KALRN: variants seen among roughly 807,000 people sequenced by gnomAD.
KALRN encodes the protein kalirin RhoGEF kinase, also known as kalirin.
In KALRN, 70 loss-of-function variants were observed where a neutral mutation model predicts 353.7. The observed-to-expected ratio is 0.20, with a 90% CI of 0.16 to 0.24. The LOEUF (loss-of-function observed/expected upper bound fraction) is 0.24. KALRN is among the 10% of genes least tolerant of loss of function. KALRN has a pLI of 1.00. For missense variants in KALRN, 2,791 were observed against 3,756.7 expected, an observed-to-expected ratio of 0.74 and a Z score of 6.72; for synonymous variants, 1,391 against 1,434.8, an observed-to-expected ratio of 0.97 and a Z score of 0.69.
chr3:124,227,149 T>A (rs1422940788), intron 1 of KALRN, among the ~76,000 whole-genome samples: 1 of 152,142 alleles, frequency 6.6e-6, no homozygotes, highest in Non-Finnish European at 1.5e-5. Context: ...AGGCTACTGT[T>A]CCTCCAGGCA....
chr3:124,610,824 A>G (rs1198898557), intron 34 of KALRN, among the ~76,000 whole-genome samples: 1 of 150,432 alleles, frequency 6.6e-6, no homozygotes, highest in Non-Finnish European at 1.5e-5. Flanking sequence ...TAGCCTAGGC[A>G]ACATAGTAGG....
intron 33 of KALRN, among the ~76,000 whole-genome samples, chr3:124,543,136 G>T (rs1194857687): frequency 6.6e-6 from 1 of 152,138 alleles, no homozygotes; most frequent in African/African-American, 2.4e-5. Flanking sequence ...GAACAAGGAG[G>T]AAGCAGCAAT....
chr3:124,183,668 C>T (rs1242722420), intron 1 of KALRN, among the ~76,000 whole-genome samples: 4 of 152,152 alleles, frequency 2.6e-5, no homozygotes, highest in African/African-American at 7.2e-5. Context: ...AAGGGAGGAG[C>T]ATCAGAGGAA....
At chr3:124,180,089 T>TA (rs111389179) in intron 1 of KALRN, among the ~76,000 whole-genome samples, 5,132 of 152,258 alleles carry the variant, frequency 0.034, 263 homozygotes, top group African/African-American at 0.12. Context: ...GAGCCTGGGG[T>TA]AACTGCTTGT....
chr3:124,637,132 T>G, intron 36 of KALRN, 76 bp from the exon 37 acceptor site: 1 of 1,236,918 alleles, frequency 8.1e-7, no homozygotes, highest in Non-Finnish European at 1.2e-6. Context: ...AGCTTTGGAC[T>G]TTCTGTTTTA....
At chr3:124,239,896 A>G (rs993050778) in intron 3 of KALRN, among the ~76,000 whole-genome samples, 11 of 152,092 alleles carry the variant, frequency 7.2e-5, no homozygotes, top group Non-Finnish European at 1.6e-4. Context: ...GGATGTGGGG[A>G]GGAAGGGGAG....
intron 15 of KALRN, among the ~76,000 whole-genome samples, chr3:124,428,526 T>A (rs541506600): frequency 2.9e-4 from 44 of 152,294 alleles, no homozygotes; most frequent in African/African-American, 1.1e-3. Flanking sequence ...TGACTCCAAA[T>A]TTTATGTTAT....
chr3:124,539,125 C>T (rs909733492), intron 33 of KALRN, among the ~76,000 whole-genome samples: 12 of 152,130 alleles, frequency 7.9e-5, no homozygotes, highest in Admixed American at 7.9e-4. Flanking sequence ...TGATCTGTAG[C>T]CTGCCAGATG....
chr3:124,284,532 C>T (rs1476479006), intron 5 of KALRN, among the ~76,000 whole-genome samples: 1 of 152,210 alleles, frequency 6.6e-6, no homozygotes, highest in Non-Finnish European at 1.5e-5. Flanking sequence ...GGACCAAGTG[C>T]TCCTCTACTG....
chr3:124,635,296 C>T (rs939787527), intron 36 of KALRN, among the ~76,000 whole-genome samples: 4 of 152,150 alleles, frequency 2.6e-5, no homozygotes, highest in Non-Finnish European at 5.9e-5. Context: ...GAGTAGGGTG[C>T]CCATGTCTCA....
At chr3:124,570,742 T>G (rs539576212) in intron 34 of KALRN, among the ~76,000 whole-genome samples, 1 of 152,186 alleles carries the variant, frequency 6.6e-6, no homozygotes, top group African/African-American at 2.4e-5. Flanking sequence ...AAAGTTAGAG[T>G]TGAAACTTAC....
chr3:124,642,310 GA>G (rs2082126628), intron 37 of KALRN, among the ~76,000 whole-genome samples: 1 of 151,910 alleles, frequency 6.6e-6, no homozygotes, highest in Non-Finnish European at 1.5e-5. Context: ...TTAAAAGAGA[GA>G]GAGAGAGAGA....
chr3:124,701,861 C>T (rs1413828461), intron 56 of KALRN, among the ~76,000 whole-genome samples, 177 bp from the exon 57 acceptor site: 1 of 152,084 alleles, frequency 6.6e-6, no homozygotes, highest in African/African-American at 2.4e-5. Context: ...GTCAGTTTCC[C>T]CTTGGATGAT....
At chr3:124,704,825 C>T (rs575942437) in intron 57 of KALRN, among the ~76,000 whole-genome samples, 10 of 152,338 alleles carry the variant, frequency 6.6e-5, no homozygotes, top group Non-Finnish European at 1.2e-4. Context: ...ACTGGGATTA[C>T]AGGCGTGAGC....
intron 33 of KALRN, chr3:124,519,910 T>C: frequency 1.0e-6 from 1 of 983,572 alleles, no homozygotes; most frequent in Non-Finnish European, 1.2e-6. Context: ...CCCTTAATTC[T>C]CTGCCAAGAA....
intron 4 of KALRN, among the ~76,000 whole-genome samples, chr3:124,265,842 G>A (rs1007014778): frequency 9.9e-5 from 15 of 152,164 alleles, no homozygotes; most frequent in Non-Finnish European, 1.5e-4. Flanking sequence ...TGGGCGTGGT[G>A]ATTCACGCCT....
chr3:124,669,373 G>A (rs931461356), intron 47 of KALRN, among the ~76,000 whole-genome samples: 4 of 152,180 alleles, frequency 2.6e-5, no homozygotes, highest in African/African-American at 7.2e-5. Context: ...CTGTAGGGAC[G>A]CACAGTTTTC....
At chr3:124,382,514 A>G (rs1439959683) in intron 10 of KALRN, among the ~76,000 whole-genome samples, 1 of 152,206 alleles carries the variant, frequency 6.6e-6, no homozygotes, top group Non-Finnish European at 1.5e-5. Flanking sequence ...TTTCTGGGAC[A>G]CAGGAATTTC....
chr3:124,091,009 A>G (rs1375724100), intron 1 of KALRN, among the ~76,000 whole-genome samples: 1 of 152,192 alleles, frequency 6.6e-6, no homozygotes, highest in Admixed American at 6.5e-5. Flanking sequence ...TCACCTGGGG[A>G]CACTAAGCTG....
Sources: gnomAD v4.1 joint callset for allele counts (sites outside exome capture counted in the v4.1 genomes callset) on GRCh38, gnomAD v4.1.1 for gene constraint, MANE v1.5 for transcripts, NCBI Gene and HGNC (gene_info 2026-07-23, HGNC 2026-07-21) for gene names.